Variants in TMEM150C observed in about 807,000 individuals in gnomAD.
TMEM150C encodes the protein transmembrane protein 150C, also known as tentonin 3.
A neutral mutation model predicts 29.9 loss-of-function variants in TMEM150C; 10 were observed. The observed-to-expected ratio is 0.33, with a 90% CI of 0.21 to 0.57. The LOEUF (loss-of-function observed/expected upper bound fraction) is 0.57. TMEM150C is among the 20% of genes least tolerant of loss of function. The pLI, the probability that TMEM150C is intolerant of heterozygous loss-of-function variation, is 0.88. For synonymous variants in TMEM150C, 101 were observed against 112.5 expected (o/e 0.90, Z 0.64); for missense variants, 251 against 303.6 (o/e 0.83, Z 1.29).
intron 1 of TMEM150C, among the ~76,000 whole-genome samples, chr4:82,522,512 T>G (rs945536443): frequency 6.6e-6 from 1 of 152,132 alleles, no homozygotes; most frequent in African/African-American, 2.4e-5. Flanking sequence ...AAATCAAAAT[T>G]TGTACTTCCC....
At chr4:82,528,065 A>G (rs149742198) in intron 1 of TMEM150C, among the ~76,000 whole-genome samples, 1 of 152,304 alleles carries the variant, frequency 6.6e-6, no homozygotes, top group African/African-American at 2.4e-5. Flanking sequence ...TAGACCTCAT[A>G]ATCTATGGGG....
chr4:82,530,455 G>A (rs902564385), intron 1 of TMEM150C, among the ~76,000 whole-genome samples: 1 of 152,174 alleles, frequency 6.6e-6, no homozygotes, highest in Admixed American at 6.5e-5. Context: ...TACTCGGGAG[G>A]CTGAGGCAGG....
At chr4:82,516,562 A>G (rs754724541) in intron 1 of TMEM150C, among the ~76,000 whole-genome samples, 3 of 152,222 alleles carry the variant, frequency 2.0e-5, no homozygotes, top group Non-Finnish European at 4.4e-5. Flanking sequence ...GTTAACATAC[A>G]TAAGACTATT....
intron 1 of TMEM150C, among the ~76,000 whole-genome samples, chr4:82,517,934 A>G (rs1724345805): frequency 6.6e-6 from 1 of 152,234 alleles, no homozygotes; most frequent in Non-Finnish European, 1.5e-5. Flanking sequence ...GAGCAATAAC[A>G]TATTCTAACA....
chr4:82,543,132 A>T (rs1045752201), intron 1 of TMEM150C, among the ~76,000 whole-genome samples: 2 of 152,190 alleles, frequency 1.3e-5, no homozygotes, highest in African/African-American at 4.8e-5. Context: ...TGGAACCAGG[A>T]TTGGGCCCAG....
intron 1 of TMEM150C, among the ~76,000 whole-genome samples, chr4:82,534,692 G>A (rs1302288433): frequency 6.6e-6 from 1 of 152,080 alleles, no homozygotes; most frequent in East Asian, 1.9e-4. Context: ...TGGAGCAGAG[G>A]GAGGGTAAGT....
intron 1 of TMEM150C, among the ~76,000 whole-genome samples, chr4:82,505,421 T>A (rs565986763): frequency 1.3e-5 from 2 of 152,336 alleles, no homozygotes; most frequent in East Asian, 3.9e-4. Context: ...GAGTTTGGGT[T>A]AGGTTAGGAC....
rs577728662 is a variant in TMEM150C at position 82,540,114 on chromosome 4, C to CTTTTTTTTTTTTTTTTT, written c.-11+21775_-11+21791dup. 1.1e-4 allele frequency among the ~76,000 whole-genome samples: 5 copies of CTTTTTTTTTTTTTTTTT among 47,254 alleles called. 2 individuals are homozygous for CTTTTTTTTTTTTTTTTT. Among genetic ancestry groups the CTTTTTTTTTTTTTTTTT allele is most frequent in the East Asian group, 1.5e-3 (2 of 1,368 alleles). The allele number at this position is 47,254 out of a possible 152,430, so 31.0% of individuals were successfully genotyped here. Reference sequence around the variant, plus strand: ...TAGTCATTCAATGTTTCTACCTATTCTTTTTTTTTTTTTTTTTTTTTTTTT... The same window carrying CTTTTTTTTTTTTTTTTT: ...TAGTCATTCAATGTTTCTACCTATTCTTTTTTTTTTTTTTTTTTTTTTTTTTTTTTTTTTTTTTTTTT... On this transcript the variant is annotated intron_variant, in intron 1 of 7. Transcript: ENST00000449862.
chr4:82,486,713 G>C (rs1210334997), intron 7 of TMEM150C, among the ~76,000 whole-genome samples: 3 of 151,980 alleles, frequency 2.0e-5, no homozygotes, highest in African/African-American at 7.3e-5. Flanking sequence ...TTGCACCACT[G>C]CTCTCTAGCT....
chr4:82,489,906 TG>T (rs887269089), intron 7 of TMEM150C, among the ~76,000 whole-genome samples, 154 bp downstream of exon 7: 75 of 152,266 alleles, frequency 4.9e-4, no homozygotes, highest in African/African-American at 1.7e-3. Context: ...CATGAAAAAT[TG>T]GTCTGAGGGT....
intron 1 of TMEM150C, among the ~76,000 whole-genome samples, chr4:82,506,989 G>A (rs1050903507): frequency 3.9e-5 from 6 of 152,098 alleles, no homozygotes; most frequent in African/African-American, 4.8e-5. Flanking sequence ...GGTCTGGGTC[G>A]TTACTTAAAT....
chr4:82,534,399 A>G (rs1333560668), intron 1 of TMEM150C, among the ~76,000 whole-genome samples: 1 of 152,212 alleles, frequency 6.6e-6, no homozygotes, highest in Non-Finnish European at 1.5e-5. Context: ...AATATCTAAA[A>G]ATCAACAGCT....
intron 5 of TMEM150C, among the ~76,000 whole-genome samples, chr4:82,499,740 A>AAAAAAAAAAAC (rs1723672752): frequency 6.6e-6 from 1 of 151,576 alleles, no homozygotes; most frequent in Non-Finnish European, 1.5e-5. Flanking sequence ...AAAAAAAAAA[A>AAAAAAAAAAAC]AAAAGCACAA....
intron 1 of TMEM150C, among the ~76,000 whole-genome samples, chr4:82,524,289 G>A (rs1724585081): frequency 6.6e-6 from 1 of 151,852 alleles, no homozygotes; most frequent in Non-Finnish European, 1.5e-5. Flanking sequence ...TTAGGTTACA[G>A]AATCTAAGTT....
chr4:82,550,384 G>C (rs143000522), intron 1 of TMEM150C, among the ~76,000 whole-genome samples: 62 of 152,252 alleles, frequency 4.1e-4, no homozygotes, highest in Middle Eastern at 3.4e-3. Flanking sequence ...CTCTTGGGCC[G>C]TTCTTTATAG....
At chr4:82,516,650 A>G (rs1724305231) in intron 1 of TMEM150C, among the ~76,000 whole-genome samples, 1 of 152,210 alleles carries the variant, frequency 6.6e-6, no homozygotes, top group Admixed American at 6.5e-5. Context: ...ACTGATGCCC[A>G]TCCCATTTGT....
intron 1 of TMEM150C, among the ~76,000 whole-genome samples, chr4:82,533,686 T>C (rs1050162726): frequency 2.0e-5 from 3 of 152,206 alleles, no homozygotes; most frequent in Non-Finnish European, 2.9e-5. Flanking sequence ...TTCTCAAACA[T>C]GCCAGTAAGT....
chr4:82,561,199 C>T (rs1253641244), intron 1 of TMEM150C, among the ~76,000 whole-genome samples: 1 of 152,190 alleles, frequency 6.6e-6, no homozygotes, highest in African/African-American at 2.4e-5. Flanking sequence ...GGACTCTCTC[C>T]AGAACCCAAA....
At chr4:82,485,819 A>T in intron 7 of TMEM150C, 100 bp from the exon 8 acceptor site, 1 of 1,093,794 alleles carries the variant, frequency 9.1e-7, no homozygotes, top group Non-Finnish European at 1.3e-6. Context: ...GGCTTTCCTC[A>T]TCACTAGAAA....
Sources: allele counts gnomAD v4.1 joint callset (sites outside exome capture counted in the v4.1 genomes callset), GRCh38; gene constraint gnomAD v4.1.1; transcripts MANE v1.5; gene names NCBI Gene and HGNC (gene_info 2026-07-23, HGNC 2026-07-21).